The following TLN2 variants were observed in gnomAD, a reference collection of about 807,000 sequenced individuals.
TLN2 encodes the protein talin-2.
A neutral mutation model predicts 294.7 loss-of-function variants in TLN2; 118 were observed. That is an observed-to-expected ratio of 0.40 (90% CI 0.34 to 0.47). TLN2 has a LOEUF of 0.47. Ranked by LOEUF, TLN2 falls within the 20% of genes least tolerant of loss-of-function variation. TLN2 has a pLI of 0.84. For synonymous variants in TLN2, 1,431 were observed against 1,304.5 expected, an observed-to-expected ratio of 1.10 and a Z score of -2.09; for missense variants, 3,083 against 3,282.2, an observed-to-expected ratio of 0.94 and a Z score of 1.48.
intron 2 of TLN2, among the ~76,000 whole-genome samples, chr15:62,608,652 G>A (rs2047651320): frequency 6.6e-6 from 1 of 152,212 alleles, no homozygotes; most frequent in Non-Finnish European, 1.5e-5. Flanking sequence ...AGGTTGGGAA[G>A]ACACGGGGAC....
chr15:62,556,655 C>CTGGTAGATTTT (rs1171810991), intron 1 of TLN2, among the ~76,000 whole-genome samples: 1 of 152,202 alleles, frequency 6.6e-6, no homozygotes, highest in Non-Finnish European at 1.5e-5. Flanking sequence ...ATCCACTAGA[C>CTGGTAGATTTT]TCTAGGCAGA....
intron 15 of TLN2, among the ~76,000 whole-genome samples, chr15:62,698,209 A>G (rs1195146118): frequency 6.6e-6 from 1 of 152,172 alleles, no homozygotes; most frequent in African/African-American, 2.4e-5. Flanking sequence ...TTGAGGTTTC[A>G]CGCTGGGAGT....
At chr15:62,698,537 C>T (rs1051918240) in intron 15 of TLN2, among the ~76,000 whole-genome samples, 1 of 152,214 alleles carries the variant, frequency 6.6e-6, no homozygotes, top group African/African-American at 2.4e-5. Context: ...ATTATAATCC[C>T]TCCGTGGCAA....
chr15:62,498,041 A>G (rs988406278), intron 1 of TLN2, among the ~76,000 whole-genome samples: 5 of 151,366 alleles, frequency 3.3e-5, no homozygotes, highest in Non-Finnish European at 5.9e-5. Flanking sequence ...TGAGCTCAGG[A>G]GTTCGAGAGC....
At chr15:62,811,056 A>G (rs1002363902) in intron 52 of TLN2, among the ~76,000 whole-genome samples, 2 of 152,238 alleles carry the variant, frequency 1.3e-5, no homozygotes, top group African/African-American at 4.8e-5. Context: ...CCATCTGTTC[A>G]GCAACAGAGC....
chr15:62,634,182 T>C (rs7172680), intron 3 of TLN2, among the ~76,000 whole-genome samples: 149,723 of 152,306 alleles, frequency 0.98, 73,619 homozygotes, highest in East Asian at 1. Context: ...CTAGGTGCAC[T>C]GTTGGAGGAC....
chr15:62,770,659 G>A (rs2063298388), intron 41 of TLN2, among the ~76,000 whole-genome samples: 1 of 152,044 alleles, frequency 6.6e-6, no homozygotes, highest in African/African-American at 2.4e-5. Context: ...TTTAAAAGTT[G>A]TTAATTTATA....
At chr15:62,406,973 G>T (rs937689424) in intron 1 of TLN2, among the ~76,000 whole-genome samples, 1 of 152,040 alleles carries the variant, frequency 6.6e-6, no homozygotes, top group African/African-American at 2.4e-5. Context: ...TGGGATGGGG[G>T]GTACAATTCA....
rs2141100094 is a variant in TLN2, at chr15:62,702,212, A to G, written c.1905+12A>G. The G allele has an allele frequency of 6.4e-7, 1 of 1,572,478 alleles. No homozygotes were observed. Among genetic ancestry groups the G allele is most frequent in the Non-Finnish European group, 8.6e-7 (1 of 1,157,260 alleles). On this transcript the variant is annotated intron_variant, in intron 18 of 58. Transcript: ENST00000636159. ...CTACTTCTGGAGAGGTAAGCTCCAG[A>G]GGCAAGCAATCACTCAGGTTCTGAT...
intron 52 of TLN2, among the ~76,000 whole-genome samples, chr15:62,812,591 G>A (rs1277324436): frequency 6.6e-6 from 1 of 152,200 alleles, no homozygotes; most frequent in Non-Finnish European, 1.5e-5. Context: ...TTAGGGAGAA[G>A]TGTCTCTCAG....
At chr15:62,575,600 T>TAAAA (rs529499340) in intron 1 of TLN2, among the ~76,000 whole-genome samples, 2 of 96,346 alleles carry the variant, frequency 2.1e-5, no homozygotes, top group African/African-American at 5.4e-5. Flanking sequence ...TGGAATCACT[T>TAAAA]AAAAAACACA....
intron 9 of TLN2, among the ~76,000 whole-genome samples, chr15:62,667,255 C>T (rs7172284): frequency 0.022 from 3,422 of 152,236 alleles, 133 homozygotes; most frequent in African/African-American, 0.078. Flanking sequence ...CGTGAGCCAC[C>T]GTGCCTGGCG....
chr15:62,722,239 T>C, intron 25 of TLN2, 114 bp from the exon 26 acceptor site: 2 of 1,205,600 alleles, frequency 1.7e-6, no homozygotes, highest in Non-Finnish European at 2.2e-6. Context: ...TTAATATTCC[T>C]TTTTTTTAGG....
intron 2 of TLN2, among the ~76,000 whole-genome samples, chr15:62,601,116 T>G (rs2046966269): frequency 6.6e-6 from 1 of 152,216 alleles, no homozygotes; most frequent in Middle Eastern, 3.2e-3. Context: ...GTTGTTTATT[T>G]TTTAGAGCAG....
chr15:62,808,887 G>C lies in TLN2; in HGVS notation c.6664-1038G>C, dbSNP rs377162382. ...TAGCCCCACTCTGTCCAGGGACTGG[G>C]GGTAAGTCAAGGGGGGAGCCCAAGG... On this transcript the variant is annotated intron_variant, in intron 51 of 58. Coordinates refer to ENST00000636159, the MANE Select transcript of TLN2 (RefSeq NM_015059.3). Among the ~76,000 whole-genome samples, 8 of 152,214 alleles carry C rather than the reference G, an allele frequency of 5.3e-5. No individual in the cohort carries two copies. In the East Asian group the frequency reaches 1.2e-3, roughly 22 times the overall value.
At chr15:62,722,219 G>C in intron 25 of TLN2, 134 bp from the exon 26 acceptor site, 1 of 1,015,880 alleles carries the variant, frequency 9.8e-7, no homozygotes, top group Non-Finnish European at 1.4e-6. Flanking sequence ...GGGAATAGGG[G>C]ATGAGTTGTT....
intron 20 of TLN2, among the ~76,000 whole-genome samples, 184 bp from the exon 21 acceptor site, chr15:62,708,318 G>A (rs966001188): frequency 9.8e-5 from 15 of 152,308 alleles, no homozygotes; most frequent in South Asian, 2.1e-4. Context: ...ATAGCAGAGC[G>A]TGTGAGACTG....
intron 1 of TLN2, among the ~76,000 whole-genome samples, chr15:62,521,669 G>T (rs2040465267): frequency 6.6e-6 from 1 of 152,096 alleles, no homozygotes; most frequent in Non-Finnish European, 1.5e-5. Context: ...AGATGGTAAA[G>T]ATCTCTTTTC....
chr15:62,771,769 G>A (rs1384579014), intron 42 of TLN2, among the ~76,000 whole-genome samples: 1 of 152,234 alleles, frequency 6.6e-6, no homozygotes, highest in Non-Finnish European at 1.5e-5. Context: ...AGCATGTAGA[G>A]CTGGGGGACC....
Sources: gnomAD v4.1 joint callset for allele counts (sites outside exome capture counted in the v4.1 genomes callset) on GRCh38, gnomAD v4.1.1 for gene constraint, MANE v1.5 for transcripts, NCBI Gene and HGNC (gene_info 2026-07-23, HGNC 2026-07-21) for gene names.